The following TMEM67 variants were observed in gnomAD, a reference collection of about 807,000 sequenced individuals.
The protein encoded by TMEM67 is transmembrane protein 67.
TMEM67 carries 124 observed loss-of-function variants against 136.6 expected under a neutral mutation model. That is an observed-to-expected ratio of 0.91 (90% CI 0.78 to 1.05). The LOEUF (loss-of-function observed/expected upper bound fraction) is 1.05. Ranked by LOEUF, TMEM67 falls within the 50% of genes least tolerant of loss-of-function variation. TMEM67 has a pLI of 0.00. For missense variants in TMEM67, 1,107 were observed against 1,178.4 expected, an observed-to-expected ratio of 0.94 and a Z score of 0.89; for synonymous variants, 364 against 390.5, an observed-to-expected ratio of 0.93 and a Z score of 0.80.
chr8:93,782,543 T>C lies in TMEM67; in HGVS notation c.1131+83T>C, dbSNP rs1586045113. The C allele has an allele frequency of 1.9e-5, 21 of 1,108,378 alleles. No individual in the cohort carries two copies. In the East Asian group the frequency reaches 3.9e-4, roughly 20 times the overall value. The allele number at this position is 1,108,378 out of a possible 1,614,324, so 68.7% of individuals were successfully genotyped here. On this transcript the variant is annotated intron_variant, in intron 11 of 27. Coordinates refer to ENST00000453321, the MANE Select transcript of TMEM67 (RefSeq NM_153704.6). The stretch of plus-strand genomic sequence containing the variant: ...GCAGTAATTGGAATAATACTTAAAT[T>C]TTTGAGATTGGAAATTTTTTATTCT...
chr8:93,770,251 G>GT (rs945663525), intron 6 of TMEM67, among the ~76,000 whole-genome samples: 5 of 152,020 alleles, frequency 3.3e-5, no homozygotes, highest in African/African-American at 9.7e-5. Context: ...CAAACACAAT[G>GT]TTTTTTTCCC....
the TMEM67 span, among the ~76,000 whole-genome samples, chr8:93,829,177 G>T: frequency 1.3e-5 from 2 of 152,150 alleles, no homozygotes; most frequent in Non-Finnish European, 2.9e-5. Context: ...CTTCTTTGCG[G>T]TAGTACACCT....
chr8:93,763,094 G>T, intron 3 of TMEM67: 3 of 174,892 alleles, frequency 1.7e-5, no homozygotes, highest in Non-Finnish European at 3.2e-5. Flanking sequence ...AGCTAATTTT[G>T]TATTTTTTTT....
intron 26 of TMEM67, 133 bp downstream of exon 26, chr8:93,810,020 G>A (rs1353109171): frequency 3.6e-6 from 2 of 561,222 alleles, no homozygotes; most frequent in Non-Finnish European, 3.1e-6. Flanking sequence ...CCAGGCTGGA[G>A]TGCAGTGGCA....
In TMEM67 at chr8:93,779,038, A is replaced by G. The variant is rs192983104; in HGVS notation, c.715-1555A>G. ...TTTCACATAGTCCCATATTTCTTGGAGGCTTTGCTCATTTCTTTTTAGTCT... is the reference window on the plus strand; with the variant it reads ...TTTCACATAGTCCCATATTTCTTGGGGGCTTTGCTCATTTCTTTTTAGTCT... On this transcript the variant is annotated intron_variant, in intron 7 of 27. Transcript: ENST00000453321. 2.7e-3 allele frequency among the ~76,000 whole-genome samples: 413 copies of G among 152,296 alleles called. 1 individual carries two copies. Among genetic ancestry groups the G allele is most frequent in the African/African-American group, 9.5e-3 (395 of 41,562 alleles).
chr8:93,823,276 T>C (rs911075324), downstream of TMEM67, among the ~76,000 whole-genome samples: 1 of 152,184 alleles, frequency 6.6e-6, no homozygotes, highest in Non-Finnish European at 1.5e-5. Flanking sequence ...CTTCTGTGAT[T>C]ACATTGGGCC....
At chr8:93,825,651 C>A in the TMEM67 span, among the ~76,000 whole-genome samples, 1 of 152,124 alleles carries the variant, frequency 6.6e-6, no homozygotes, top group African/African-American at 2.4e-5. Context: ...CATATAGCTC[C>A]CAACTGCAGA....
chr8:93,815,519 A>T, intron 27 of TMEM67, 72 bp downstream of exon 27: 3 of 1,379,986 alleles, frequency 2.2e-6, no homozygotes, highest in Middle Eastern at 4.3e-4. Flanking sequence ...AGATATTTTC[A>T]TAGCAGAGAG....
chr8:93,758,502 G>T lies in TMEM67; in HGVS notation c.332G>T (p.Gly111Val). Residue 111 changes from glycine to valine, a missense_variant, in exon 3 of 28, where the codon GGC becomes GTC. Coordinates refer to ENST00000453321, the MANE Select transcript of TMEM67 (RefSeq NM_153704.6). ...ATTTAGAAAGGTGTTACAGAAGATGGCTGGAACTGCATTTCTTGCCCTAGT... is the reference window on the plus strand; with the variant it reads ...ATTTAGAAAGGTGTTACAGAAGATGTCTGGAACTGCATTTCTTGCCCTAGT... ...PENMKGVTEDGWNCISCPSDL... is the reference protein window; with the variant it reads ...PENMKGVTEDVWNCISCPSDL... The T allele has an allele frequency of 6.2e-7, 1 of 1,613,650 alleles. No homozygotes were observed. The highest frequency in any genetic ancestry group is 8.5e-7 in the Non-Finnish European group (1 of 1,179,718).
At chr8:93,777,479 T>C (rs1813604011) in intron 7 of TMEM67, among the ~76,000 whole-genome samples, 2 of 152,236 alleles carry the variant, frequency 1.3e-5, no homozygotes, top group Admixed American at 6.5e-5. Flanking sequence ...TGCTTTCTTA[T>C]GTGGGCATTT....
Position 93,765,467 on chromosome 8 carries a change from A to G in TMEM67, c.568A>G (p.Asn190Asp). 1 of 1,612,036 alleles carries G rather than the reference A, an allele frequency of 6.2e-7. No individual in the cohort carries two copies. The highest frequency in any genetic ancestry group is 1.1e-5 in the South Asian group (1 of 90,964). Residue 190 changes from asparagine to aspartate, a missense_variant, in exon 5 of 28, where the codon AAC becomes GAC. Physicochemically the swap from Asn to Asp is conservative, Grantham distance 23 (BLOSUM62 1). Coordinates refer to ENST00000453321, the MANE Select transcript of TMEM67 (RefSeq NM_153704.6). ...TSRSCACSEP[N>D]ILTGGLCFSS... ...CAGGTCCTGTGCATGTTCAGAACCT[A>G]ACATTTTAGTAAGGCTAACCAAATT...
intron 7 of TMEM67, among the ~76,000 whole-genome samples, chr8:93,778,325 T>C (rs1586037239): frequency 1.3e-5 from 2 of 152,238 alleles, no homozygotes; most frequent in Non-Finnish European, 1.5e-5. Context: ...AGTCTGTGTC[T>C]TTTAATTGGA....
chr8:93,787,692 T>C (rs1471989190), intron 13 of TMEM67, 152 bp from the exon 14 acceptor site: 1 of 658,400 alleles, frequency 1.5e-6, no homozygotes, highest in African/African-American at 1.8e-5. Flanking sequence ...TTGTCATCAT[T>C]AGTTTATGTG....
At position 93,771,261 on chromosome 8, in the gene TMEM67, T is replaced by A. The variant is rs74306291; in HGVS notation, c.652-1328T>A. On this transcript the variant is annotated intron_variant, in intron 6 of 27. Transcript: ENST00000453321. The stretch of plus-strand genomic sequence containing the variant: ...CTTTTTCTCTGTGCTTTTTTTTTTT[T>A]AAAAAAAAGCTTTATTATGAACTGT... Among the ~76,000 whole-genome samples the A allele has an allele frequency of 5.5e-3, 839 of 151,192 alleles. 7 individuals are homozygous for A. Among genetic ancestry groups the A allele is most frequent in the East Asian group, 0.018 (95 of 5,160 alleles).
downstream of TMEM67, among the ~76,000 whole-genome samples, chr8:93,821,980 T>C (rs763237933): frequency 6.6e-6 from 1 of 152,042 alleles, no homozygotes; most frequent in Non-Finnish European, 1.5e-5. Context: ...ATTTATACTT[T>C]TGTAAATTTA....
downstream of TMEM67, chr8:93,818,907 G>A (rs1808995151): frequency 2.8e-6 from 1 of 351,820 alleles, no homozygotes; most frequent in Non-Finnish European, 5.4e-6. Context: ...GGCTCAAGCA[G>A]TCCTCCACCT....
chr8:93,813,946 G>C (rs1380519049), intron 26 of TMEM67, among the ~76,000 whole-genome samples: 1 of 152,068 alleles, frequency 6.6e-6, no homozygotes, highest in Non-Finnish European at 1.5e-5. Flanking sequence ...ATAACTTATA[G>C]ATCAGTGAAT....
the TMEM67 span, among the ~76,000 whole-genome samples, chr8:93,828,038 TC>T: frequency 6.6e-6 from 1 of 152,166 alleles, no homozygotes; most frequent in East Asian, 1.9e-4. Context: ...AGAAGCTGGG[TC>T]TTTGACCACT....
At chr8:93,771,954 G>A (rs1813346252) in intron 6 of TMEM67, among the ~76,000 whole-genome samples, 2 of 152,272 alleles carry the variant, frequency 1.3e-5, no homozygotes, top group Non-Finnish European at 2.9e-5. Flanking sequence ...GATTTTCTCT[G>A]AATGGTGCTT....
Sources: gnomAD v4.1 joint callset for allele counts (sites outside exome capture counted in the v4.1 genomes callset) on GRCh38, gnomAD v4.1.1 for gene constraint, MANE v1.5 for transcripts, NCBI Gene and HGNC (gene_info 2026-07-23, HGNC 2026-07-21) for gene names.